Variants in DOK6 observed in about 807,000 individuals in gnomAD.
DOK6 encodes the protein downstream of tyrosine kinase 6.
DOK6 carries 22 observed loss-of-function variants against 44.0 expected under a neutral mutation model. That is an observed-to-expected ratio of 0.50 (90% CI 0.36 to 0.71). The LOEUF (loss-of-function observed/expected upper bound fraction) is 0.71, where lower values mean the gene tolerates loss of function less well. Ranked by LOEUF, DOK6 falls within the 30% of genes least tolerant of loss-of-function variation. The probability of loss-of-function intolerance (pLI) is 0.00; values close to 1 mark genes in which losing one functional copy is unlikely to be tolerated. For missense variants in DOK6, 340 were observed against 416.4 expected (o/e 0.82, Z 1.60); for synonymous variants, 166 against 145.5 (o/e 1.14, Z -1.01).
intron 1 of DOK6, among the ~76,000 whole-genome samples, chr18:69,546,564 T>C (rs997050105): frequency 6.6e-6 from 1 of 151,642 alleles, no homozygotes; most frequent in Admixed American, 6.6e-5. Context: ...TATTTAGATT[T>C]GTAAATATTT....
chr18:69,803,248 A>G (rs1599333839), intron 7 of DOK6, among the ~76,000 whole-genome samples: 1 of 152,208 alleles, frequency 6.6e-6, no homozygotes, highest in Admixed American at 6.5e-5. Context: ...TCTGGTAATT[A>G]TAATAACAAT....
At chr18:69,527,596 G>A (rs1260696091) in intron 1 of DOK6, among the ~76,000 whole-genome samples, 1 of 152,136 alleles carries the variant, frequency 6.6e-6, no homozygotes, top group East Asian at 1.9e-4. Context: ...TTTGGGTGGG[G>A]ACAGAGTCAA....
At chr18:69,579,476 A>T (rs1243546432) in intron 2 of DOK6, among the ~76,000 whole-genome samples, 2 of 152,036 alleles carry the variant, frequency 1.3e-5, no homozygotes, top group Non-Finnish European at 2.9e-5. Flanking sequence ...TTCCTATTTG[A>T]TATTCTCTCA....
chr18:69,815,683 A>AT (rs1981378719), intron 7 of DOK6, among the ~76,000 whole-genome samples: 1 of 152,172 alleles, frequency 6.6e-6, no homozygotes. Flanking sequence ...AATTACTTAT[A>AT]TTTTACAGTA....
At chr18:69,551,994 G>A (rs1599187722) in intron 1 of DOK6, among the ~76,000 whole-genome samples, 1 of 152,286 alleles carries the variant, frequency 6.6e-6, no homozygotes, top group Non-Finnish European at 1.5e-5. Flanking sequence ...GCCCGATCAT[G>A]TTCAAGAAAG....
At chr18:69,741,533 T>TG (rs1462065493) in intron 6 of DOK6, among the ~76,000 whole-genome samples, 1 of 152,150 alleles carries the variant, frequency 6.6e-6, no homozygotes, top group Non-Finnish European at 1.5e-5. Context: ...GGTCTCGCTC[T>TG]GTCACCCGGG....
intron 4 of DOK6, among the ~76,000 whole-genome samples, chr18:69,683,495 G>A (rs76273349): frequency 0.037 from 5,610 of 152,294 alleles, 185 homozygotes; most frequent in Non-Finnish European, 0.054. Flanking sequence ...AAGTGGGAAG[G>A]TTTGGACTCA....
intron 1 of DOK6, among the ~76,000 whole-genome samples, chr18:69,514,251 TA>T (rs5825944): frequency 2.0e-4 from 30 of 150,024 alleles, no homozygotes; most frequent in Non-Finnish European, 3.7e-4. Context: ...TGTAAATGAG[TA>T]AAAAAAAAGA....
rs1982868672 is a variant in DOK6 at position 69,562,750 on chromosome 18, C to T, written c.67-1737C>T. 2.0e-5 allele frequency among the ~76,000 whole-genome samples: 3 copies of T among 152,166 alleles called. 1 individual carries two copies. The South Asian group carries it at 6.2e-4, about 32-fold the overall frequency. On this transcript the variant is annotated intron_variant, in intron 1 of 7. Coordinates refer to ENST00000382713, the MANE Select transcript of DOK6 (RefSeq NM_152721.6). ...AGGACATAGGCATGGGCAAGGACTTCATGTCTAAAACACCAAAAGCAATGG... is the reference window on the plus strand; with the variant it reads ...AGGACATAGGCATGGGCAAGGACTTTATGTCTAAAACACCAAAAGCAATGG...
At chr18:69,440,962 T>G (rs1195375547) in intron 1 of DOK6, among the ~76,000 whole-genome samples, 1 of 152,154 alleles carries the variant, frequency 6.6e-6, no homozygotes, top group Non-Finnish European at 1.5e-5. Context: ...TACTATTTGA[T>G]TTTCAATAGG....
intron 1 of DOK6, among the ~76,000 whole-genome samples, chr18:69,562,234 C>T (rs1434992633): frequency 6.6e-6 from 1 of 151,694 alleles, no homozygotes; most frequent in Non-Finnish European, 1.5e-5. Flanking sequence ...AAAATAAAGG[C>T]AAGGTTCAGA....
chr18:69,783,019 G>C (rs1980322881), intron 7 of DOK6, among the ~76,000 whole-genome samples: 1 of 152,186 alleles, frequency 6.6e-6, no homozygotes, highest in African/African-American at 2.4e-5. Context: ...GGTGAGCTTA[G>C]TTGGTATATT....
At chr18:69,507,321 C>G (rs939247036) in intron 1 of DOK6, among the ~76,000 whole-genome samples, 1 of 152,060 alleles carries the variant, frequency 6.6e-6, no homozygotes, top group South Asian at 2.1e-4. Flanking sequence ...GCCACCGTGC[C>G]CAGCCGGTAA....
intron 7 of DOK6, among the ~76,000 whole-genome samples, chr18:69,797,795 C>A (rs1284676911): frequency 1.3e-5 from 2 of 152,030 alleles, no homozygotes; most frequent in South Asian, 2.1e-4. Context: ...TTCATTTCTT[C>A]TTACTATTCA....
chr18:69,805,020 G>C (rs1054490275), intron 7 of DOK6, among the ~76,000 whole-genome samples: 1 of 152,178 alleles, frequency 6.6e-6, no homozygotes. Flanking sequence ...TTGTACTGTG[G>C]AAGCAAAGGC....
At chr18:69,631,634 C>T (rs3809950) in intron 3 of DOK6, among the ~76,000 whole-genome samples, 50,731 of 152,034 alleles carry the variant, frequency 0.33, 8,755 homozygotes, top group Middle Eastern at 0.54. Flanking sequence ...AGTATGAACA[C>T]GTTACTGTAG....
intron 3 of DOK6, among the ~76,000 whole-genome samples, chr18:69,620,850 T>C (rs1042442740): frequency 6.6e-6 from 1 of 152,200 alleles, no homozygotes; most frequent in Non-Finnish European, 1.5e-5. Context: ...ATCAGGACGT[T>C]GTGTTTTATG....
At chr18:69,642,831 C>T (rs1447466061) in intron 3 of DOK6, among the ~76,000 whole-genome samples, 2 of 152,114 alleles carry the variant, frequency 1.3e-5, no homozygotes, top group African/African-American at 4.8e-5. Flanking sequence ...TGCCACATTT[C>T]CTTATTGTAA....
intron 1 of DOK6, among the ~76,000 whole-genome samples, chr18:69,436,996 T>C (rs2122435005): frequency 6.6e-6 from 1 of 152,312 alleles, no homozygotes; most frequent in East Asian, 1.9e-4. Context: ...CACTTTTTGA[T>C]GGGGTTGTAT....
Sources: gnomAD v4.1 joint callset for allele counts (sites outside exome capture counted in the v4.1 genomes callset) on GRCh38, gnomAD v4.1.1 for gene constraint, MANE v1.5 for transcripts, NCBI Gene and HGNC (gene_info 2026-07-23, HGNC 2026-07-21) for gene names.